Variants in IQCM observed in about 807,000 individuals in gnomAD.
IQCM encodes IQ motif containing M, also known as IQ domain-containing protein M.
A neutral mutation model predicts 57.6 loss-of-function variants in IQCM; 45 were observed. The observed-to-expected ratio is 0.78, with a 90% CI of 0.62 to 1.00. IQCM has a LOEUF of 1.00. Ranked by LOEUF, IQCM falls within the 50% of genes least tolerant of loss-of-function variation. The probability of loss-of-function intolerance (pLI) is 0.00; values close to 1 mark genes in which losing one functional copy is unlikely to be tolerated. For missense variants in IQCM, 468 were observed against 511.6 expected (o/e 0.91, Z 0.82); for synonymous variants, 148 against 158.9 (o/e 0.93, Z 0.51).
chr4:149,600,580 T>G (rs1210193523), intron 8 of IQCM, among the ~76,000 whole-genome samples: 2 of 152,168 alleles, frequency 1.3e-5, no homozygotes, highest in Non-Finnish European at 2.9e-5. Context: ...GATCCAGTGA[T>G]TTTCTAGGGA....
At chr4:149,551,943 C>G (rs1367273334) in intron 11 of IQCM, among the ~76,000 whole-genome samples, 1 of 152,094 alleles carries the variant, frequency 6.6e-6, no homozygotes, top group Non-Finnish European at 1.5e-5. Context: ...CTCTCCAACA[C>G]TTTGCTGCTT....
At chr4:149,363,940 C>G (rs1053512434) in intron 13 of IQCM, among the ~76,000 whole-genome samples, 1 of 152,244 alleles carries the variant, frequency 6.6e-6, no homozygotes, top group East Asian at 1.9e-4. Flanking sequence ...AAAAGTAATG[C>G]TTCTACTGGA....
intron 2 of IQCM, among the ~76,000 whole-genome samples, chr4:149,779,669 C>A (rs528593704): frequency 6.6e-6 from 1 of 151,900 alleles, no homozygotes; most frequent in Non-Finnish European, 1.5e-5. Flanking sequence ...CAGATAGAAC[C>A]AGTATTAAAT....
In IQCM at chr4:149,575,935, T is replaced by G. The variant is rs530861458; in HGVS notation, c.749+11995A>C. On this transcript the variant is annotated intron_variant, in intron 9 of 13. Coordinates refer to ENST00000636793, the MANE Select transcript of IQCM (RefSeq NM_001363507.2). ...GCTACTGCTGCTGCTTGGTTTCAAT[T>G]TTCCAACAGATTTTCCTCAAAACAA... Among the ~76,000 whole-genome samples the G allele has an allele frequency of 1.2e-4, 18 of 151,906 alleles. 1 individual carries two copies. The highest frequency in any genetic ancestry group is 4.3e-4 in the African/African-American group (18 of 41,508).
rs370061148 is a variant in IQCM at position 149,732,217 on chromosome 4, C to T, written c.385+1027G>A. 2.4e-4 allele frequency among the ~76,000 whole-genome samples: 37 copies of T among 152,194 alleles called. No individual in the cohort carries two copies. The South Asian group carries it at 7.7e-3, about 32-fold the overall frequency. ...ATTATATTCCCTTCAAACTCTAGCC[C>T]ACCCATCTTCCAAAATTTATTTCCT... On this transcript the variant is annotated intron_variant, in intron 5 of 13. Coordinates refer to ENST00000636793, the MANE Select transcript of IQCM (RefSeq NM_001363507.2).
At chr4:149,386,749 G>A (rs536078165) in intron 13 of IQCM, among the ~76,000 whole-genome samples, 6 of 151,810 alleles carry the variant, frequency 4.0e-5, no homozygotes, top group African/African-American at 1.4e-4. Flanking sequence ...TCATCCCATT[G>A]ACTTCAAGAA....
chr4:149,781,457 T>C (rs564232103), intron 2 of IQCM, among the ~76,000 whole-genome samples: 31 of 152,270 alleles, frequency 2.0e-4, no homozygotes, highest in African/African-American at 7.2e-4. Flanking sequence ...GCCATCTCAT[T>C]TATCAAATCA....
intron 3 of IQCM, among the ~76,000 whole-genome samples, chr4:149,742,042 G>C (rs1767506106): frequency 1.3e-5 from 2 of 151,444 alleles, no homozygotes; most frequent in South Asian, 4.2e-4. Context: ...TACTAAAAAA[G>C]GTGAAATTAA....
At chr4:149,481,701 G>GTTGTTTTTTTTTTTTTTT (rs1740816388) in intron 12 of IQCM, among the ~76,000 whole-genome samples, 1 of 51,550 alleles carries the variant, frequency 1.9e-5, no homozygotes, top group African/African-American at 7.6e-5. Flanking sequence ...TTCCAGTTTT[G>GTTGTTTTTTTTTTTTTTT]TTTTTTTTTT....
chr4:149,400,906 C>T (rs765443125), intron 13 of IQCM, among the ~76,000 whole-genome samples: 3 of 151,784 alleles, frequency 2.0e-5, no homozygotes, highest in African/African-American at 2.4e-5. Flanking sequence ...ACTATGTCTA[C>T]AGAAGGAAAC....
chr4:149,706,579 G>T (rs934692327), intron 5 of IQCM, among the ~76,000 whole-genome samples: 1 of 151,904 alleles, frequency 6.6e-6, no homozygotes, highest in Non-Finnish European at 1.5e-5. Flanking sequence ...CTGTTATTTT[G>T]ATAGCTAAGT....
intron 7 of IQCM, among the ~76,000 whole-genome samples, chr4:149,628,011 G>T (rs1756958649): frequency 1.3e-5 from 2 of 152,172 alleles, no homozygotes; most frequent in Admixed American, 6.5e-5. Context: ...AGCATCTCTG[G>T]AAGGAACTAG....
chr4:149,809,212 G>A (rs1001316721), intron 2 of IQCM, among the ~76,000 whole-genome samples: 11 of 150,100 alleles, frequency 7.3e-5, no homozygotes, highest in South Asian at 4.2e-4. Flanking sequence ...GCAGTGAGCC[G>A]AGATCACACC....
chr4:149,760,021 AGGAAG>A (rs1554036705), intron 2 of IQCM, among the ~76,000 whole-genome samples: 17 of 67,420 alleles, frequency 2.5e-4, no homozygotes, highest in Non-Finnish European at 3.5e-4. Flanking sequence ...GAAGGAAGGA[AGGAAG>A]GGAAGGGAAG....
At chr4:149,560,735 A>G (rs557409686) in intron 10 of IQCM, among the ~76,000 whole-genome samples, 1 of 152,340 alleles carries the variant, frequency 6.6e-6, no homozygotes, top group Non-Finnish European at 1.5e-5. Context: ...CAAATTTTTC[A>G]TAGGGAATGG....
chr4:149,483,963 A>G (rs1212617354), intron 12 of IQCM, among the ~76,000 whole-genome samples: 1 of 152,020 alleles, frequency 6.6e-6, no homozygotes, highest in Non-Finnish European at 1.5e-5. Flanking sequence ...GTTTGGATGC[A>G]TATATATTTA....
At position 149,758,925 on chromosome 4, in the gene IQCM, T is replaced by C. The variant is rs576788724; in HGVS notation, c.-48-16186A>G. Among the ~76,000 whole-genome samples, 45 of 149,890 alleles carry C rather than the reference T, an allele frequency of 3.0e-4. 1 individual carries two copies. The South Asian group carries it at 8.3e-3, about 28-fold the overall frequency. ...TACAAAACTAAACATGCTTTGACCATGTAATCCAGCTATAGCACTCCTTAG... is the reference window on the plus strand; with the variant it reads ...TACAAAACTAAACATGCTTTGACCACGTAATCCAGCTATAGCACTCCTTAG... On this transcript the variant is annotated intron_variant, in intron 2 of 13. Transcript: ENST00000636793.
chr4:149,720,460 G>A (rs1043100939), intron 5 of IQCM, among the ~76,000 whole-genome samples: 19 of 152,146 alleles, frequency 1.2e-4, no homozygotes, highest in Non-Finnish European at 1.5e-5. Flanking sequence ...AAGTTGCTCA[G>A]AAGCAACAAG....
chr4:149,672,596 T>G (rs1482199548), intron 7 of IQCM, among the ~76,000 whole-genome samples: 1 of 151,902 alleles, frequency 6.6e-6, no homozygotes, highest in Admixed American at 6.6e-5. Context: ...AAAAAGAAAC[T>G]AACAAAGCCC....
Sources: allele counts gnomAD v4.1 joint callset (sites outside exome capture counted in the v4.1 genomes callset), GRCh38; gene constraint gnomAD v4.1.1; transcripts MANE v1.5; gene names NCBI Gene and HGNC (gene_info 2026-07-23, HGNC 2026-07-21).